Variants in C11orf24 observed in about 807,000 individuals in gnomAD.
C11orf24 encodes the protein uncharacterized protein C11orf24.
C11orf24 carries 5 observed loss-of-function variants against 7.3 expected under a neutral mutation model. The observed-to-expected ratio is 0.69, with a 90% confidence interval of 0.36 to 1.45. C11orf24 has a LOEUF of 1.45. Among genes scored for constraint, C11orf24 ranks in the 40% most tolerant of loss-of-function variants. The pLI is 0.03. For missense variants in C11orf24, 566 were observed against 590.5 expected, an observed-to-expected ratio of 0.96 and a Z score of 0.43; for synonymous variants, 233 against 235.7, an observed-to-expected ratio of 0.99 and a Z score of 0.11.
intron 2 of C11orf24, among the ~76,000 whole-genome samples, chr11:68,264,796 A>G (rs1422533667): frequency 6.7e-6 from 1 of 148,332 alleles, no homozygotes; most frequent in Non-Finnish European, 1.5e-5. Context: ...AAAAGGTGAA[A>G]AACACACAAG....
intron 2 of C11orf24, among the ~76,000 whole-genome samples, chr11:68,264,691 T>C (rs1298840343): frequency 5.2e-5 from 7 of 133,404 alleles, no homozygotes; most frequent in East Asian, 2.3e-4. Flanking sequence ...CATCTATCCA[T>C]CCATCCACCC....
chr11:68,261,816 G>C lies in C11orf24; in HGVS notation c.1179C>G (p.Thr393=). The change falls in exon 4 of 4, where the codon ACC becomes ACG. Residue 393 remains threonine (T), a synonymous_variant. Transcript: ENST00000304271. ...GGAGAGTTTTGTCTACCACGGCCTG[G>C]GTGAGGGGCTCAGTGGTGACCACCA... ...QYMVVTTEPL[T]QAVVDKTLLL... is the part of the protein sequence containing the mutation. 6.2e-7 allele frequency: 1 copy of C among 1,614,216 alleles called. No individual in the cohort carries two copies. Among genetic ancestry groups the C allele is most frequent in the South Asian group, 1.1e-5 (1 of 91,090 alleles).
At chr11:68,270,725 C>A (rs1184204952) in intron 1 of C11orf24, among the ~76,000 whole-genome samples, 1 of 152,138 alleles carries the variant, frequency 6.6e-6, no homozygotes, top group Non-Finnish European at 1.5e-5. Flanking sequence ...ACTCACTCAG[C>A]CGCAACATGG....
intron 1 of C11orf24, chr11:68,271,543 C>G (rs985328981): frequency 6.6e-6 from 1 of 152,504 alleles, no homozygotes; most frequent in Non-Finnish European, 1.5e-5. Flanking sequence ...CACAATGGGA[C>G]AAGCCGGCCT....
intron 3 of C11orf24, chr11:68,263,189 T>C (rs545015480): frequency 9.8e-6 from 5 of 511,256 alleles, no homozygotes; most frequent in Admixed American, 3.5e-5. Context: ...CCTTCACTAT[T>C]TGATCCAATT....
At chr11:68,263,408 G>A (rs2098562937) in intron 3 of C11orf24, 1 of 501,614 alleles carries the variant, frequency 2.0e-6, no homozygotes, top group Admixed American at 3.7e-5. Flanking sequence ...GATGTATGAA[G>A]GAATCAATTC....
At position 68,262,714 on chromosome 11, in the gene C11orf24, G is replaced by A; in HGVS notation, c.281C>T (p.Thr94Ile). 1 of 1,614,214 alleles carries A rather than the reference G, an allele frequency of 6.2e-7. No individual in the cohort carries two copies. The highest frequency in any genetic ancestry group is 8.5e-7 in the Non-Finnish European group (1 of 1,180,032). Residue 94 changes from threonine (T) to isoleucine (I), a missense_variant, in exon 4 of 4, where the codon ACT (threonine) becomes ATT (isoleucine). Coordinates refer to ENST00000304271, the MANE Select transcript of C11orf24 (RefSeq NM_022338.4). Reference sequence around the variant, plus strand: ...CACACCATCAGCTGCACCTCCTGAAGTTGCTGGTTCACTCACATCTGTCCT... The same window carrying A: ...CACACCATCAGCTGCACCTCCTGAAATTGCTGGTTCACTCACATCTGTCCT... ...TSRTDVSEPA[T>I]SGGAADGVTS...
At position 68,263,726 on chromosome 11, in the gene C11orf24, G is replaced by A; in HGVS notation, c.42C>T (p.Ser14=). Residue 14 remains serine (S), a synonymous_variant, in exon 3 of 4, where the codon TCC becomes TCT. Coordinates refer to ENST00000304271, the MANE Select transcript of C11orf24 (RefSeq NM_022338.4). ...TGGATGCCGCATGGCTTTCAGATAA[G>A]GACAAGGAGAAAATCCAAATGAGCA... ...ALVLIWIFSL[S]LSESHAASND... 1 of 1,613,586 alleles carries A rather than the reference G, an allele frequency of 6.2e-7. No individual in the cohort carries two copies. The highest frequency in any genetic ancestry group is 8.5e-7 in the Non-Finnish European group (1 of 1,179,980).
intron 1 of C11orf24, among the ~76,000 whole-genome samples, chr11:68,269,285 C>T (rs1565292877): frequency 6.6e-6 from 1 of 152,158 alleles, no homozygotes; most frequent in South Asian, 2.1e-4. Flanking sequence ...AGAGACTACA[C>T]GATCTATATA....
At chr11:68,270,152 C>A (rs980914581) in intron 1 of C11orf24, among the ~76,000 whole-genome samples, 1 of 151,976 alleles carries the variant, frequency 6.6e-6, no homozygotes, top group South Asian at 2.1e-4. Flanking sequence ...GGGGAATGAG[C>A]GAGAGAGAAT....
At chr11:68,264,912 C>G (rs922035576) in intron 2 of C11orf24, among the ~76,000 whole-genome samples, 8 of 151,672 alleles carry the variant, frequency 5.3e-5, no homozygotes, top group South Asian at 2.1e-4. Flanking sequence ...AAGGAGGAGA[C>G]AGTATGCGGG....
intron 2 of C11orf24, among the ~76,000 whole-genome samples, chr11:68,266,437 G>A (rs887631894): frequency 6.6e-6 from 1 of 152,202 alleles, no homozygotes; most frequent in Admixed American, 6.5e-5. Flanking sequence ...TGTGTTCCAC[G>A]AGACTTCCGG....
chr11:68,262,148 C>G lies in C11orf24; in HGVS notation c.847G>C (p.Glu283Gln). 2 of 1,613,824 alleles carry G rather than the reference C, an allele frequency of 1.2e-6. No homozygotes were observed. The highest frequency in any genetic ancestry group is 1.7e-6 in the Non-Finnish European group (2 of 1,179,976). Reference sequence around the variant, plus strand: ...ACCACTGTGGGGGTGGGGGCGGGCTCTGGGGTTGTGTTTGAGGGCATGGGT... The same window carrying G: ...ACCACTGTGGGGGTGGGGGCGGGCTGTGGGGTTGTGTTTGAGGGCATGGGT... The part of the protein sequence containing the change: ...STPMPSNTTP[E>Q]PAPTPTVVTT... The change falls in exon 4 of 4, where the codon GAG becomes CAG. Residue 283 changes from glutamate to glutamine, a missense_variant. Transcript: ENST00000304271.
chr11:68,268,944 G>A (rs775182944), intron 1 of C11orf24, among the ~76,000 whole-genome samples: 49 of 152,148 alleles, frequency 3.2e-4, no homozygotes, highest in Non-Finnish European at 5.6e-4. Context: ...GCATGCATCA[G>A]TAAATGAACA....
chr11:68,263,895 A>C, intron 2 of C11orf24, 29 bp from the exon 3 acceptor site: 1 of 732,814 alleles, frequency 1.4e-6, no homozygotes, highest in Non-Finnish European at 2.2e-6. Flanking sequence ...GCTGGTCAGA[A>C]GGCGTCTGGC....
intron 1 of C11orf24, among the ~76,000 whole-genome samples, chr11:68,269,710 T>A (rs995427756): frequency 1.3e-5 from 2 of 152,180 alleles, no homozygotes; most frequent in Admixed American, 6.5e-5. Flanking sequence ...CACAAGGCTA[T>A]ATCAGGACAC....
In C11orf24 at chr11:68,271,942, C is replaced by G. The variant is rs1024216122; in HGVS notation, c.-383G>C. 2 of 152,330 alleles carry G rather than the reference C, an allele frequency of 1.3e-5. No homozygotes were observed. Among genetic ancestry groups the G allele is most frequent in the South Asian group, 4.1e-4 (2 of 4,832 alleles). The allele number at this position is 152,330 out of a possible 1,614,324, so 9.4% of individuals were successfully genotyped here. ...CCCGGCGCGGGGACGTGGCCGGCAG[C>G]GCAACCCAGGCAGCTCCGGGCAGCG... is the stretch of plus-strand genomic sequence containing the variant. On this transcript the variant is annotated 5_prime_UTR_variant, in exon 1 of 4. Transcript: ENST00000304271.
At position 68,263,752 on chromosome 11, in the gene C11orf24, C is replaced by T. The variant is rs747698602; in HGVS notation, c.16G>A (p.Val6Met). Reference sequence around the variant, plus strand: ...GACAAGGAGAAAATCCAAATGAGCACAAGAGCTGTCCACATCTTGTGGGTG... The same window carrying T: ...GACAAGGAGAAAATCCAAATGAGCATAAGAGCTGTCCACATCTTGTGGGTG... Reference protein sequence around the residue: MWTALVLIWIFSLSLS... With the variant: MWTALMLIWIFSLSLS... Residue 6 changes from valine (V) to methionine (M), a missense_variant, in exon 3 of 4, where the codon GTG (valine) becomes ATG (methionine). Physicochemically the swap from Val to Met is conservative, Grantham distance 21 (BLOSUM62 1). Coordinates refer to ENST00000304271, the MANE Select transcript of C11orf24 (RefSeq NM_022338.4). 10 of 1,613,086 alleles carry T rather than the reference C, an allele frequency of 6.2e-6. No individual in the cohort carries two copies. Among genetic ancestry groups the T allele is most frequent in the Middle Eastern group, 1.7e-4 (1 of 6,046 alleles).
At chr11:68,269,413 G>A (rs999572410) in intron 1 of C11orf24, among the ~76,000 whole-genome samples, 2 of 152,174 alleles carry the variant, frequency 1.3e-5, no homozygotes, top group Non-Finnish European at 1.5e-5. Context: ...TATTTAACGC[G>A]TACTCAGGAG....
Sources: allele counts gnomAD v4.1 joint callset (sites outside exome capture counted in the v4.1 genomes callset), GRCh38; gene constraint gnomAD v4.1.1; transcripts MANE v1.5; gene names NCBI Gene and HGNC (gene_info 2026-07-23, HGNC 2026-07-21).